Variants in RNF111 observed in about 807,000 individuals in gnomAD.
RNF111 encodes the protein ring finger protein 111.
A neutral mutation model predicts 95.1 loss-of-function variants in RNF111; 17 were observed. That is an observed-to-expected ratio of 0.18 (90% CI 0.12 to 0.27). The LOEUF (loss-of-function observed/expected upper bound fraction) is 0.27. Ranked by LOEUF, RNF111 falls within the 10% of genes least tolerant of loss-of-function variation. RNF111 has a pLI of 1.00. For missense variants in RNF111, 1,189 were observed against 1,210.4 expected (o/e 0.98, Z 0.26); for synonymous variants, 440 against 414.8 (o/e 1.06, Z -0.74).
At chr15:59,038,590 G>A (rs2041297041) in intron 2 of RNF111, among the ~76,000 whole-genome samples, 1 of 152,186 alleles carries the variant, frequency 6.6e-6, no homozygotes, top group South Asian at 2.1e-4. Context: ...CGCTTCAGTT[G>A]TTGACATTCT....
At position 59,024,940 on chromosome 15, in the gene RNF111, T is replaced by C. The variant is rs200229978; in HGVS notation, c.-19-5864T>C. ...ATCATACAATATTTGTCTTGTTGTG[T>C]CTTCTTATTTCACTTAGCATAATGT... On this transcript the variant is annotated intron_variant, in intron 1 of 13. Coordinates refer to ENST00000348370, the MANE Select transcript of RNF111 (RefSeq NM_017610.8). Among the ~76,000 whole-genome samples the C allele has an allele frequency of 9.8e-5, 15 of 152,350 alleles. No individual in the cohort carries two copies. The East Asian group carries it at 1.3e-3, about 14-fold the overall frequency.
At chr15:59,071,618 C>T (rs1205253377) in intron 6 of RNF111, among the ~76,000 whole-genome samples, 1 of 151,392 alleles carries the variant, frequency 6.6e-6, no homozygotes, top group Non-Finnish European at 1.5e-5. Flanking sequence ...TCGCTTGAGC[C>T]TAGGAGGTGG....
intron 7 of RNF111, among the ~76,000 whole-genome samples, chr15:59,080,063 T>C (rs1219267392): frequency 6.6e-6 from 1 of 151,978 alleles, no homozygotes; most frequent in East Asian, 1.9e-4. Context: ...TTGGCATTTA[T>C]TTTAAAAATT....
intron 1 of RNF111, among the ~76,000 whole-genome samples, chr15:58,991,931 G>GCCC (rs2038835346): frequency 6.6e-6 from 1 of 152,182 alleles, no homozygotes; most frequent in Non-Finnish European, 1.5e-5. Flanking sequence ...AGGAGTTATT[G>GCCC]TAACTTTGTT....
intron 1 of RNF111, among the ~76,000 whole-genome samples, chr15:58,991,562 G>T (rs948529181): frequency 6.6e-6 from 1 of 152,160 alleles, no homozygotes; most frequent in Admixed American, 6.5e-5. Flanking sequence ...TTTTACTGTA[G>T]ATTGAGTGGT....
intron 1 of RNF111, among the ~76,000 whole-genome samples, chr15:59,020,328 A>G (rs2040276659): frequency 6.6e-6 from 1 of 151,710 alleles, no homozygotes; most frequent in African/African-American, 2.4e-5. Context: ...CAGTATCTTT[A>G]TGTCTTATTT....
chr15:58,992,819 C>T (rs1329729244), intron 1 of RNF111, among the ~76,000 whole-genome samples: 1 of 151,842 alleles, frequency 6.6e-6, no homozygotes, highest in Non-Finnish European at 1.5e-5. Flanking sequence ...GACCCTATCT[C>T]AAAATAAATA....
chr15:59,074,143 T>A (rs2043064079), intron 6 of RNF111, among the ~76,000 whole-genome samples: 1 of 152,278 alleles, frequency 6.6e-6, no homozygotes, highest in Admixed American at 6.5e-5. Flanking sequence ...CATCTAGGCT[T>A]TGTTGTTTGT....
chr15:59,077,353 T>TA (rs1375296360), intron 7 of RNF111, among the ~76,000 whole-genome samples: 6 of 152,222 alleles, frequency 3.9e-5, no homozygotes, highest in Non-Finnish European at 8.8e-5. Flanking sequence ...TCATTTGTTA[T>TA]ATTCTAAAAC....
chr15:59,083,025 T>G (rs1414869473), intron 8 of RNF111, among the ~76,000 whole-genome samples: 1 of 152,096 alleles, frequency 6.6e-6, no homozygotes, highest in African/African-American at 2.4e-5. Flanking sequence ...GGCACACACC[T>G]TTAGTCCCAG....
At position 59,017,783 on chromosome 15, in the gene RNF111, G is replaced by T. The variant is rs182501756; in HGVS notation, c.-19-13021G>T. 9.0e-3 allele frequency among the ~76,000 whole-genome samples: 1,138 copies of T among 126,352 alleles called. 8 individuals carry two copies. The highest frequency in any genetic ancestry group is 0.013 in the Non-Finnish European group (831 of 62,054). The allele number at this position is 126,352 out of a possible 152,430, so 82.9% of individuals were successfully genotyped here. A position where few individuals can be genotyped will look rare whatever the true frequency, so the allele number is the denominator to read the frequency against. ...TTTTTTTTTTTTTTTTTGAGATGGA[G>T]TTTCGCTCTTGTTGTCCAGGCTAGA... is the stretch of plus-strand genomic sequence containing the variant. On this transcript the variant is annotated intron_variant, in intron 1 of 13. Transcript: ENST00000348370.
intron 2 of RNF111, among the ~76,000 whole-genome samples, chr15:59,039,883 A>G (rs1210545161): frequency 6.6e-6 from 1 of 151,616 alleles, no homozygotes; most frequent in Admixed American, 6.6e-5. Context: ...TGCCCAGCTA[A>G]TTTTTTGTGT....
chr15:59,045,294 G>A (rs901763247), intron 2 of RNF111, among the ~76,000 whole-genome samples: 1 of 151,428 alleles, frequency 6.6e-6, no homozygotes, highest in Admixed American at 6.6e-5. Context: ...AGGTTCAAGT[G>A]ATTCTCCTGC....
intron 12 of RNF111, 115 bp from the exon 13 acceptor site, chr15:59,092,422 T>C (rs2079078450): frequency 1.8e-6 from 2 of 1,107,660 alleles, no homozygotes; most frequent in African/African-American, 1.6e-5. Context: ...GGGAAAAAAG[T>C]GCGGGTGAAT....
rs1324630020 is a variant in RNF111, at chr15:59,084,372, G to A, written c.2423+118G>A. 6 of 1,007,268 alleles carry A rather than the reference G, an allele frequency of 6.0e-6. No individual in the cohort carries two copies. In the African/African-American group the frequency reaches 9.9e-5, roughly 17 times the overall value. 62.4% of individuals were successfully genotyped at this position (1,007,268 alleles called of 1,614,324 possible). A position where few individuals can be genotyped will look rare whatever the true frequency, so the allele number is the denominator to read the frequency against. ...ATGATGTGGAGAAACCTAATCCCCA[G>A]TTTAACTGAGACACTGCCTCTGGGC... On this transcript the variant is annotated intron_variant, in intron 9 of 13. Transcript: ENST00000348370.
At position 59,066,970 on chromosome 15, in the gene RNF111, G is replaced by C. The variant is rs1370973358; in HGVS notation, c.1573G>C (p.Ala525Pro). ...CCACCACCACCATACTCCCCACCCA[G>C]CTGTCCCAGTTTCTCCTTCCTTTAG... The part of the protein sequence containing the change: ...HHHHHHTPHP[A>P]VPVSPSFSDP... Residue 525 changes from alanine to proline, a missense_variant, in exon 6 of 14, where the codon GCT (alanine) becomes CCT (proline). By Grantham distance (27) the Ala-to-Pro change is conservative. Transcript: ENST00000348370. The C allele has an allele frequency of 2.5e-6, 4 of 1,614,066 alleles. No homozygotes were observed. Among genetic ancestry groups the C allele is most frequent in the Non-Finnish European group, 3.4e-6 (4 of 1,180,014 alleles).
chr15:58,997,741 G>A (rs1342771591), intron 1 of RNF111, among the ~76,000 whole-genome samples: 7 of 150,888 alleles, frequency 4.6e-5, no homozygotes, highest in African/African-American at 1.5e-4. Context: ...GCTTGAACCC[G>A]GGAGGCAGAG....
intron 1 of RNF111, among the ~76,000 whole-genome samples, chr15:59,014,197 TG>T (rs1185048581): frequency 8.5e-5 from 13 of 152,330 alleles, no homozygotes; most frequent in Admixed American, 8.5e-4. Context: ...TCCAGTGTCC[TG>T]TTTGACATGC....
At chr15:59,048,304 AAT>A (rs2041810806) in intron 2 of RNF111, among the ~76,000 whole-genome samples, 1 of 152,240 alleles carries the variant, frequency 6.6e-6, no homozygotes, top group Non-Finnish European at 1.5e-5. Flanking sequence ...ACAACAAATG[AAT>A]ATATTTCAAC....
Sources: gnomAD v4.1 joint callset for allele counts (sites outside exome capture counted in the v4.1 genomes callset) on GRCh38, gnomAD v4.1.1 for gene constraint, MANE v1.5 for transcripts, NCBI Gene and HGNC (gene_info 2026-07-23, HGNC 2026-07-21) for gene names.